ARMC9: variants seen among roughly 807,000 people sequenced by gnomAD.
ARMC9 encodes the protein armadillo repeat containing 9.
In ARMC9, 94 loss-of-function variants were observed where a neutral mutation model predicts 107.0. The ratio of observed to expected loss-of-function variants is 0.88; its 90% CI spans 0.74 to 1.04. The LOEUF (loss-of-function observed/expected upper bound fraction) is 1.04, where lower values mean the gene tolerates loss of function less well. ARMC9 is among the 50% of genes least tolerant of loss of function. ARMC9 has a pLI of 0.00. For missense variants in ARMC9, 942 were observed against 1,030.1 expected (o/e 0.91, Z 1.17); for synonymous variants, 380 against 396.9 (o/e 0.96, Z 0.51).
chr2:231,328,955 C>T (rs1260818805), intron 19 of ARMC9, among the ~76,000 whole-genome samples: 1 of 151,560 alleles, frequency 6.6e-6, no homozygotes, highest in African/African-American at 2.4e-5. Flanking sequence ...GCTGGGACTA[C>T]AGGAACCCAC....
chr2:231,349,003 C>T (rs1014896515), intron 21 of ARMC9, among the ~76,000 whole-genome samples: 7 of 152,160 alleles, frequency 4.6e-5, no homozygotes, highest in African/African-American at 1.7e-4. Flanking sequence ...ATTAGTACAG[C>T]CACTATGGAG....
At chr2:231,354,015 A>C (rs192950708) in intron 21 of ARMC9, among the ~76,000 whole-genome samples, 334 of 147,438 alleles carry the variant, frequency 2.3e-3, no homozygotes, top group Non-Finnish European at 3.8e-3. Context: ...ACACACACAC[A>C]CCATATATAG....
At chr2:231,340,210 C>T (rs1007334684) in intron 20 of ARMC9, among the ~76,000 whole-genome samples, 1 of 152,180 alleles carries the variant, frequency 6.6e-6, no homozygotes, top group African/African-American at 2.4e-5. Context: ...AGACAAGAAT[C>T]ATGTTACCCA....
chr2:231,245,297 G>T (rs1315772439), intron 9 of ARMC9, among the ~76,000 whole-genome samples: 2 of 152,212 alleles, frequency 1.3e-5, no homozygotes, highest in African/African-American at 2.4e-5. Flanking sequence ...TTATCCCTCA[G>T]GGCACAAGAG....
intron 17 of ARMC9, among the ~76,000 whole-genome samples, chr2:231,283,698 G>A (rs1361271619): frequency 3.9e-5 from 6 of 152,094 alleles, no homozygotes; most frequent in African/African-American, 1.2e-4. Context: ...CCAAAGCGCC[G>A]AGATTACAGA....
intron 12 of ARMC9, 57 bp from the exon 13 acceptor site, chr2:231,270,925 G>C: frequency 6.8e-7 from 1 of 1,461,036 alleles, no homozygotes; most frequent in Non-Finnish European, 9.6e-7. Context: ...AAGAGGAGGC[G>C]TGTGTTTATC....
intron 9 of ARMC9, among the ~76,000 whole-genome samples, chr2:231,253,641 T>C (rs1179525144): frequency 6.6e-6 from 1 of 152,208 alleles, no homozygotes; most frequent in Non-Finnish European, 1.5e-5. Flanking sequence ...AAGTGCAGGT[T>C]CTGGTTCAGG....
At chr2:231,249,878 C>CTT (rs2037134765) in intron 9 of ARMC9, among the ~76,000 whole-genome samples, 1 of 49,160 alleles carries the variant, frequency 2.0e-5, no homozygotes, top group African/African-American at 1.4e-4. Flanking sequence ...GACCACCGCC[C>CTT]ACCCGTGCAC....
intron 15 of ARMC9, among the ~76,000 whole-genome samples, chr2:231,277,713 C>T (rs61358975): frequency 0.012 from 1,773 of 151,914 alleles, 19 homozygotes; most frequent in East Asian, 0.051. Flanking sequence ...CAGGTGCCCA[C>T]CACCACACCT....
chr2:231,345,101 G>A lies in ARMC9; in HGVS notation c.1994+11G>A, dbSNP rs914551240. 3.1e-6 allele frequency: 5 copies of A among 1,610,164 alleles called. No homozygotes were observed. The highest frequency in any genetic ancestry group is 4.2e-6 in the Non-Finnish European group (5 of 1,179,114). On this transcript the variant is annotated intron_variant, in intron 21 of 24. Coordinates refer to ENST00000611582, the MANE Select transcript of ARMC9 (RefSeq NM_001352754.2). ...AAACGGGTACCCAGTGTAAGTCAGG[G>A]CTAAAGGAAGCGGGAATTGACTTTC...
chr2:231,281,812 A>G (rs1048497103), intron 16 of ARMC9, among the ~76,000 whole-genome samples: 2 of 152,224 alleles, frequency 1.3e-5, no homozygotes, highest in African/African-American at 4.8e-5. Flanking sequence ...AAGCAATGAA[A>G]TGCGCAGGAG....
rs2045958188 is a variant in ARMC9 at position 231,370,074 on chromosome 2, C to T, written c.2383C>T (p.Gln795Ter). ...CCCTCTGTTCTCTTCGTGTGGCCCC[C>T]AGCAGGCCAGCCGCCCCGGCTCCAC... is the stretch of plus-strand genomic sequence containing the variant. ...LAPLFSSCGP[Q>*]QASRPGSTAS... is the part of the protein sequence containing the mutation. The change falls in exon 24 of 25, where the codon CAG becomes TAG. Residue 795 changes from glutamine (Q) to a stop codon, truncating the protein, a stop_gained. Coordinates refer to ENST00000611582, the MANE Select transcript of ARMC9 (RefSeq NM_001352754.2). LOFTEE classifies it high-confidence loss of function. 4 of 1,535,032 alleles carry T rather than the reference C, an allele frequency of 2.6e-6. No individual in the cohort carries two copies. The highest frequency in any genetic ancestry group is 2.7e-5 in the African/African-American group (2 of 73,120).
At chr2:231,266,010 AAAAG>A (rs1472388904) in intron 12 of ARMC9, among the ~76,000 whole-genome samples, 2 of 152,070 alleles carry the variant, frequency 1.3e-5, no homozygotes, top group African/African-American at 2.4e-5. Flanking sequence ...AAAAAAAAAA[AAAAG>A]AAGAAATGAG....
chr2:231,211,542 AAAAT>A, intron 3 of ARMC9, among the ~76,000 whole-genome samples: 1 of 152,198 alleles, frequency 6.6e-6, no homozygotes, highest in East Asian at 1.9e-4. Context: ...CAAAAAAAAA[AAAAT>A]AGTGCTGCAG....
intron 16 of ARMC9, among the ~76,000 whole-genome samples, chr2:231,281,746 C>A (rs573553755): frequency 2.6e-5 from 4 of 152,108 alleles, no homozygotes; most frequent in Non-Finnish European, 2.9e-5. Flanking sequence ...ACAAAATCAA[C>A]GATGACTCCA....
At position 231,360,855 on chromosome 2, in the gene ARMC9, C is replaced by A; in HGVS notation, c.2233C>A (p.Gln745Lys). The A allele has an allele frequency of 6.5e-7, 1 of 1,535,040 alleles. No individual in the cohort carries two copies. ...CCCCCGCCAGCCAAGGGAGGCGCCC[C>A]AGGACCCAGGCAATGGAGTGACCAC... ...GTPRQPREAP[Q>K]DPGNGVTTRE... Residue 745 changes from glutamine (Q) to lysine (K), a missense_variant, in exon 23 of 25, where the codon CAG becomes AAG. Gln to Lys is a moderately conservative substitution (Grantham distance 53). Transcript: ENST00000611582. The surrounding 1 kb of genome is among the most constrained non-coding windows in gnomAD (Gnocchi z 4.7).
At chr2:231,237,759 A>G (rs1351068222) in intron 8 of ARMC9, among the ~76,000 whole-genome samples, 2 of 28,752 alleles carry the variant, frequency 7.0e-5, no homozygotes, top group African/African-American at 2.4e-4. Context: ...ATATGTATAT[A>G]TATATATATA....
chr2:231,293,230 G>A (rs1343640903), intron 18 of ARMC9, among the ~76,000 whole-genome samples: 1 of 152,118 alleles, frequency 6.6e-6, no homozygotes, highest in Non-Finnish European at 1.5e-5. Context: ...CTGACTCTCA[G>A]CCCTCATTCT....
intron 17 of ARMC9, among the ~76,000 whole-genome samples, chr2:231,284,642 G>A (rs1483206563): frequency 6.6e-6 from 1 of 152,188 alleles, no homozygotes; most frequent in East Asian, 1.9e-4. Context: ...AGAAGCCCCA[G>A]TGTCTTTTAG....
Sources: gnomAD v4.1 joint callset for allele counts (sites outside exome capture counted in the v4.1 genomes callset) on GRCh38, gnomAD v4.1.1 for gene constraint, Gnocchi (gnomAD v3.1) non-coding constraint, MANE v1.5 for transcripts, NCBI Gene and HGNC (gene_info 2026-07-23, HGNC 2026-07-21) for gene names.